Variants in UBE2E2 observed in about 807,000 individuals in gnomAD.
The protein encoded by UBE2E2 is ubiquitin conjugating enzyme E2 E2.
UBE2E2 carries 6 observed loss-of-function variants against 24.7 expected under a neutral mutation model. The observed-to-expected ratio is 0.24, with a 90% CI of 0.13 to 0.48. UBE2E2 has a LOEUF of 0.48. Ranked by LOEUF, UBE2E2 falls within the 20% of genes least tolerant of loss-of-function variation. UBE2E2 has a pLI of 0.99. For missense variants in UBE2E2, 169 were observed against 245.0 expected, an observed-to-expected ratio of 0.69 and a Z score of 2.07; for synonymous variants, 104 against 83.6, an observed-to-expected ratio of 1.24 and a Z score of -1.33.
At chr3:23,511,923 G>A (rs935824069) in intron 4 of UBE2E2, among the ~76,000 whole-genome samples, 1 of 152,098 alleles carries the variant, frequency 6.6e-6, no homozygotes, top group Non-Finnish European at 1.5e-5. Flanking sequence ...TAGTTGCAGT[G>A]GCCTTCTGCA....
intron 3 of UBE2E2, among the ~76,000 whole-genome samples, chr3:23,349,034 C>CT (rs767463985): frequency 3.9e-5 from 6 of 152,150 alleles, no homozygotes; most frequent in Non-Finnish European, 5.9e-5. Flanking sequence ...ACTGAGTGGG[C>CT]TGCAAGACTG....
intron 5 of UBE2E2, among the ~76,000 whole-genome samples, chr3:23,579,607 G>A (rs1430121036): frequency 2.0e-5 from 3 of 151,442 alleles, no homozygotes; most frequent in African/African-American, 7.3e-5. Context: ...GACTGATACA[G>A]GAGGATCACT....
chr3:23,346,397 G>A (rs1420266411), intron 3 of UBE2E2, among the ~76,000 whole-genome samples: 1 of 152,102 alleles, frequency 6.6e-6, no homozygotes, highest in Non-Finnish European at 1.5e-5. Flanking sequence ...ATCACACACA[G>A]GTTGAAGATG....
chr3:23,303,266 G>A (rs1488514283), intron 3 of UBE2E2, among the ~76,000 whole-genome samples: 1 of 151,952 alleles, frequency 6.6e-6, no homozygotes, highest in Non-Finnish European at 1.5e-5. Context: ...CTACATTATA[G>A]TGAGTTGTAT....
intron 5 of UBE2E2, among the ~76,000 whole-genome samples, chr3:23,576,693 T>C (rs1002702062): frequency 2.0e-5 from 3 of 152,112 alleles, no homozygotes; most frequent in South Asian, 2.1e-4. Context: ...AGTAAACATA[T>C]AGGGTAAGAG....
chr3:23,344,515 T>C (rs532006870), intron 3 of UBE2E2, among the ~76,000 whole-genome samples: 5 of 152,176 alleles, frequency 3.3e-5, no homozygotes, highest in South Asian at 2.1e-4. Context: ...TTTTCCACTT[T>C]CCAGTCTCTC....
chr3:23,498,047 A>G (rs1353775089), intron 3 of UBE2E2, among the ~76,000 whole-genome samples: 3 of 152,162 alleles, frequency 2.0e-5, no homozygotes. Context: ...GATGATATTG[A>G]GCATTTTTCA....
chr3:23,258,643 C>T (rs1697805425), intron 3 of UBE2E2, among the ~76,000 whole-genome samples: 2 of 152,092 alleles, frequency 1.3e-5, no homozygotes, highest in African/African-American at 4.8e-5. Flanking sequence ...CCTATAATCC[C>T]ACCACGTTGG....
chr3:23,318,211 C>T (rs1056246600), intron 3 of UBE2E2, among the ~76,000 whole-genome samples: 1 of 152,016 alleles, frequency 6.6e-6, no homozygotes, highest in Non-Finnish European at 1.5e-5. Context: ...GTCTCCCAGG[C>T]TGGAGTGCAG....
chr3:23,443,893 G>A (rs778054758), intron 3 of UBE2E2, among the ~76,000 whole-genome samples: 1 of 152,134 alleles, frequency 6.6e-6, no homozygotes, highest in South Asian at 2.1e-4. Flanking sequence ...CAGAGGTTAT[G>A]TGCAATCAGT....
intron 3 of UBE2E2, among the ~76,000 whole-genome samples, chr3:23,289,853 T>A (rs1698714015): frequency 6.6e-6 from 1 of 152,246 alleles, no homozygotes; most frequent in Non-Finnish European, 1.5e-5. Flanking sequence ...ATTTTAAATT[T>A]CTACCGTAGG....
At chr3:23,443,214 G>A (rs1489441948) in intron 3 of UBE2E2, among the ~76,000 whole-genome samples, 1 of 152,146 alleles carries the variant, frequency 6.6e-6, no homozygotes, top group Admixed American at 6.5e-5. Flanking sequence ...CTGAACTCCA[G>A]AGGAATGACC....
intron 5 of UBE2E2, among the ~76,000 whole-genome samples, chr3:23,537,942 A>C (rs192210737): frequency 6.6e-6 from 1 of 152,198 alleles, no homozygotes; most frequent in Non-Finnish European, 1.5e-5. Flanking sequence ...TGAAAGGTAC[A>C]TATAACACCT....
At chr3:23,473,321 T>G (rs1189698971) in intron 3 of UBE2E2, among the ~76,000 whole-genome samples, 1 of 152,106 alleles carries the variant, frequency 6.6e-6, no homozygotes, top group Admixed American at 6.5e-5. Flanking sequence ...AGTTTTTCAT[T>G]ATTCAAAATC....
At chr3:23,582,298 A>G (rs571741770) in intron 5 of UBE2E2, among the ~76,000 whole-genome samples, 3 of 151,994 alleles carry the variant, frequency 2.0e-5, no homozygotes, top group East Asian at 3.9e-4. Flanking sequence ...CTTTATCTAG[A>G]TAGTCTACCA....
intron 5 of UBE2E2, among the ~76,000 whole-genome samples, chr3:23,556,454 T>TTAAAAAAAAAAAA (rs1553620573): frequency 8.5e-5 from 8 of 94,334 alleles, no homozygotes; most frequent in Admixed American, 3.1e-4. Context: ...AAAATTTATT[T>TTAAAAAAAAAAAA]AAAAAAAAAA....
At chr3:23,532,448 G>C in intron 4 of UBE2E2, 106 bp from the exon 5 acceptor site, 1 of 972,698 alleles carries the variant, frequency 1.0e-6, no homozygotes, top group East Asian at 2.8e-5. Flanking sequence ...AATAGCCTGG[G>C]CTATTTTGTC....
chr3:23,215,544 C>T (rs1206407504), intron 2 of UBE2E2, among the ~76,000 whole-genome samples: 1 of 151,680 alleles, frequency 6.6e-6, no homozygotes, highest in African/African-American at 2.4e-5. Context: ...GCTTTTTTTC[C>T]TTCTGGGATT....
intron 3 of UBE2E2, among the ~76,000 whole-genome samples, chr3:23,485,091 C>CTTTTT (rs71620781): frequency 1.9e-5 from 2 of 107,686 alleles, no homozygotes; most frequent in Non-Finnish European, 1.8e-5. Flanking sequence ...TTAACACTAC[C>CTTTTT]TTTTTTTTTT....
Sources: gnomAD v4.1 joint callset for allele counts (sites outside exome capture counted in the v4.1 genomes callset) on GRCh38, gnomAD v4.1.1 for gene constraint, MANE v1.5 for transcripts, NCBI Gene and HGNC (gene_info 2026-07-23, HGNC 2026-07-21) for gene names.